Variants in CPA6 observed in about 807,000 individuals in gnomAD.
The protein encoded by CPA6 is carboxypeptidase B.
A neutral mutation model predicts 63.3 loss-of-function variants in CPA6; 58 were observed. That is an observed-to-expected ratio of 0.92 (90% CI 0.74 to 1.14). CPA6 has a LOEUF of 1.14. CPA6 is among the 50% of genes most tolerant of loss of function. The pLI is 0.00. For synonymous variants in CPA6, 185 were observed against 179.0 expected, an observed-to-expected ratio of 1.03 and a Z score of -0.27; for missense variants, 565 against 526.6, an observed-to-expected ratio of 1.07 and a Z score of -0.71.
At chr8:67,564,966 A>T (rs1294675883) in intron 2 of CPA6, among the ~76,000 whole-genome samples, 1 of 152,180 alleles carries the variant, frequency 6.6e-6, no homozygotes, top group Non-Finnish European at 1.5e-5. Flanking sequence ...TTACTGAAAG[A>T]TGAACTGAGA....
At chr8:67,518,329 A>T (rs1159881935) in intron 2 of CPA6, among the ~76,000 whole-genome samples, 1 of 152,104 alleles carries the variant, frequency 6.6e-6, no homozygotes. Context: ...TTTTAGGTAT[A>T]ATTTTGATAT....
intron 9 of CPA6, among the ~76,000 whole-genome samples, chr8:67,433,375 G>A (rs1402027935): frequency 6.6e-6 from 1 of 152,160 alleles, no homozygotes; most frequent in Non-Finnish European, 1.5e-5. Context: ...CATGATGACT[G>A]ATGCCCTATA....
At chr8:67,477,418 A>C (rs72654993) in intron 8 of CPA6, among the ~76,000 whole-genome samples, 1 of 151,930 alleles carries the variant, frequency 6.6e-6, no homozygotes, top group Non-Finnish European at 1.5e-5. Context: ...ATCTTTTCAT[A>C]TTAAATTGGT....
intron 2 of CPA6, among the ~76,000 whole-genome samples, chr8:67,583,844 G>T (rs539521838): frequency 7.2e-5 from 11 of 152,134 alleles, no homozygotes; most frequent in African/African-American, 2.7e-4. Flanking sequence ...AGCTGTCAAG[G>T]AGGTGGCAAT....
At chr8:67,491,215 A>G (rs1327113485) in intron 6 of CPA6, among the ~76,000 whole-genome samples, 4 of 146,460 alleles carry the variant, frequency 2.7e-5, no homozygotes, top group African/African-American at 1.0e-4. Flanking sequence ...GGGAGAGTTT[A>G]CAGGGAAGTT....
chr8:67,598,778 C>G (rs1005957441), intron 2 of CPA6, among the ~76,000 whole-genome samples: 1 of 152,066 alleles, frequency 6.6e-6, no homozygotes, highest in African/African-American at 2.4e-5. Flanking sequence ...ATACATTTTT[C>G]TCTAGATAAT....
At chr8:67,572,429 C>T (rs1371368044) in intron 2 of CPA6, among the ~76,000 whole-genome samples, 1 of 152,172 alleles carries the variant, frequency 6.6e-6, no homozygotes, top group East Asian at 1.9e-4. Flanking sequence ...TATTATAAAG[C>T]CAGAATGCCC....
chr8:67,599,938 C>A (rs1814449257), intron 2 of CPA6, among the ~76,000 whole-genome samples: 1 of 152,044 alleles, frequency 6.6e-6, no homozygotes, highest in African/African-American at 2.4e-5. Flanking sequence ...AACAAAGGAA[C>A]TGACTTCAGA....
intron 8 of CPA6, among the ~76,000 whole-genome samples, chr8:67,481,255 G>T (rs571198829): frequency 2.0e-5 from 3 of 152,350 alleles, no homozygotes; most frequent in African/African-American, 7.2e-5. Flanking sequence ...TAAAAAGAGT[G>T]CACAGAGGAA....
At chr8:67,651,062 T>A (rs553709168) in intron 1 of CPA6, among the ~76,000 whole-genome samples, 1 of 152,290 alleles carries the variant, frequency 6.6e-6, no homozygotes, top group Non-Finnish European at 1.5e-5. Context: ...AGAATTGTTG[T>A]AAGCTATGTT....
intron 1 of CPA6, among the ~76,000 whole-genome samples, chr8:67,677,069 A>T (rs747011177): frequency 6.6e-6 from 1 of 152,298 alleles, no homozygotes; most frequent in Non-Finnish European, 1.5e-5. Context: ...CATCATTCAC[A>T]TTTAGGTCAT....
intron 5 of CPA6, 123 bp downstream of exon 5, chr8:67,509,394 C>CA (rs1811996752): frequency 4.0e-6 from 2 of 503,736 alleles, no homozygotes; most frequent in Admixed American, 7.8e-5. Context: ...CTGAGATTAT[C>CA]AGATGATGTT....
At chr8:67,621,054 T>C (rs1370609251) in intron 2 of CPA6, among the ~76,000 whole-genome samples, 9 of 152,202 alleles carry the variant, frequency 5.9e-5, no homozygotes, top group Admixed American at 5.9e-4. Context: ...TACATAACTT[T>C]ACCCCAATAA....
chr8:67,502,856 A>G (rs1424619214), intron 6 of CPA6, among the ~76,000 whole-genome samples: 1 of 152,116 alleles, frequency 6.6e-6, no homozygotes, highest in East Asian at 1.9e-4. Flanking sequence ...TATGATTTCA[A>G]TTATTTTATA....
chr8:67,535,757 G>A (rs1007954653), intron 2 of CPA6, among the ~76,000 whole-genome samples: 1 of 152,160 alleles, frequency 6.6e-6, no homozygotes, highest in African/African-American at 2.4e-5. Flanking sequence ...TAATTTTGGT[G>A]TTTTAGTCAT....
intron 1 of CPA6, among the ~76,000 whole-genome samples, chr8:67,643,169 T>G (rs1185498436): frequency 6.6e-6 from 1 of 152,152 alleles, no homozygotes; most frequent in East Asian, 1.9e-4. Flanking sequence ...TCATCCTTAA[T>G]AAGCAGGAAG....
At chr8:67,714,874 G>T (rs1005253421) in intron 1 of CPA6, among the ~76,000 whole-genome samples, 15 of 152,122 alleles carry the variant, frequency 9.9e-5, no homozygotes, top group Non-Finnish European at 1.3e-4. Flanking sequence ...CTCTCATTGA[G>T]CTTATAGTGT....
chr8:67,741,688 A>T (rs998140071), intron 1 of CPA6, among the ~76,000 whole-genome samples: 15 of 152,090 alleles, frequency 9.9e-5, no homozygotes, highest in Non-Finnish European at 2.1e-4. Flanking sequence ...TAAAAATCTA[A>T]TTTCTGATGA....
chr8:67,433,488 C>T (rs1269110062), intron 9 of CPA6, among the ~76,000 whole-genome samples: 1 of 152,154 alleles, frequency 6.6e-6, no homozygotes, highest in Non-Finnish European at 1.5e-5. Flanking sequence ...TTAGTACTAA[C>T]TTGTCAGATA....
Sources: allele counts gnomAD v4.1 joint callset (sites outside exome capture counted in the v4.1 genomes callset), GRCh38; gene constraint gnomAD v4.1.1; transcripts MANE v1.5; gene names NCBI Gene and HGNC (gene_info 2026-07-23, HGNC 2026-07-21).